SHLD2: variants seen among roughly 807,000 people sequenced by gnomAD.
The protein encoded by SHLD2 is shieldin complex subunit 2, also known as RINN1-REV7-interacting novel NHEJ regulator 2.
SHLD2 carries 30 observed loss-of-function variants against 73.2 expected under a neutral mutation model. The ratio of observed to expected loss-of-function variants is 0.41; its 90% CI spans 0.31 to 0.56. SHLD2 has a LOEUF of 0.56. Among genes scored for constraint, SHLD2 ranks in the 20% least tolerant of loss-of-function variants. The pLI, the probability that SHLD2 is intolerant of heterozygous loss-of-function variation, is 0.28. For synonymous variants in SHLD2, 285 were observed against 370.1 expected (o/e 0.77, Z 2.64); for missense variants, 745 against 1,055.9 (o/e 0.71, Z 4.08).
intron 2 of SHLD2, among the ~76,000 whole-genome samples, chr10:87,121,051 A>G (rs1238568112): frequency 6.7e-6 from 1 of 149,596 alleles, no homozygotes; most frequent in Non-Finnish European, 1.5e-5. Flanking sequence ...ACTCTGTCTC[A>G]AAAAAAAAAG....
At chr10:87,186,601 TAATAGCACTTGCAAATG>T (rs1848634785) in intron 8 of SHLD2, among the ~76,000 whole-genome samples, 1 of 145,170 alleles carries the variant, frequency 6.9e-6, no homozygotes, top group African/African-American at 2.6e-5. Context: ...GCTCCTTCCC[TAATAGCACTTGCAAATG>T]TTCTTCATTC....
At chr10:87,143,802 TA>T (rs1227206451) in intron 2 of SHLD2, among the ~76,000 whole-genome samples, 1 of 151,838 alleles carries the variant, frequency 6.6e-6, no homozygotes, top group East Asian at 1.9e-4. Flanking sequence ...AGAGCATGCC[TA>T]AACTAGGACT....
chr10:87,126,598 A>G (rs576322319), intron 2 of SHLD2, among the ~76,000 whole-genome samples: 1 of 152,312 alleles, frequency 6.6e-6, no homozygotes, highest in African/African-American at 2.4e-5. Context: ...GAAGTCAGGG[A>G]CATTATGGAG....
At chr10:87,094,473 C>G (rs1378546943), upstream of SHLD2, 2 of 1,613,594 alleles carry the variant, frequency 1.2e-6, no homozygotes, top group African/African-American at 2.7e-5. This position sits in a 1 kb window ranked among gnomAD's most constrained non-coding sequence, Gnocchi z 6.6. Flanking sequence ...GCACCCGGTT[C>G]CGCTTCTGCT....
intron 2 of SHLD2, among the ~76,000 whole-genome samples, chr10:87,124,935 G>A (rs1843887891): frequency 6.6e-6 from 1 of 151,706 alleles, no homozygotes; most frequent in Non-Finnish European, 1.5e-5. Flanking sequence ...GTAGAGACAG[G>A]GTCTCACTAT....
chr10:87,165,498 A>G (rs188975022), intron 4 of SHLD2, among the ~76,000 whole-genome samples: 1 of 152,362 alleles, frequency 6.6e-6, no homozygotes. Context: ...AGGATCCACC[A>G]TATTTTTTGT....
chr10:87,096,741 A>G (rs1184878585), intron 1 of SHLD2, among the ~76,000 whole-genome samples, 193 bp from the exon 2 acceptor site: 1 of 152,236 alleles, frequency 6.6e-6, no homozygotes, highest in Non-Finnish European at 1.5e-5. Flanking sequence ...ATCTTTTAGA[A>G]TATGGAAGAG....
chr10:87,166,453 A>G (rs1229254920), intron 4 of SHLD2, among the ~76,000 whole-genome samples: 4 of 152,182 alleles, frequency 2.6e-5, no homozygotes, highest in Non-Finnish European at 5.9e-5. Flanking sequence ...AAAAAAGGAA[A>G]AATTTTTAAA....
chr10:87,178,265 C>T (rs1233967149), intron 7 of SHLD2, among the ~76,000 whole-genome samples: 43 of 116,532 alleles, frequency 3.7e-4, no homozygotes, highest in East Asian at 1.6e-3. Context: ...AAAAAAAAGA[C>T]TTTTTGAGTG....
intron 7 of SHLD2, among the ~76,000 whole-genome samples, chr10:87,178,853 T>C (rs1214006701): frequency 2.0e-5 from 3 of 152,224 alleles, no homozygotes; most frequent in Non-Finnish European, 4.4e-5. Context: ...GTGACACAAT[T>C]GGAAGAGATG....
intron 2 of SHLD2, among the ~76,000 whole-genome samples, chr10:87,141,758 C>T (rs1845211002): frequency 6.6e-6 from 1 of 152,094 alleles, no homozygotes. Flanking sequence ...TGGCCCAGCA[C>T]GGTGGCTCAT....
intron 6 of SHLD2, among the ~76,000 whole-genome samples, chr10:87,174,054 G>A (rs1164565678): frequency 2.0e-5 from 3 of 152,098 alleles, no homozygotes; most frequent in Non-Finnish European, 4.4e-5. Flanking sequence ...TGAACAAATT[G>A]GGGGTACTTT....
chr10:87,115,079 C>G (rs570915526), intron 2 of SHLD2, among the ~76,000 whole-genome samples: 5 of 152,212 alleles, frequency 3.3e-5, no homozygotes, highest in South Asian at 2.1e-4. Flanking sequence ...GAGACAGAGT[C>G]GTGCTCTGTC....
chr10:87,123,220 A>T (rs1419201323), intron 2 of SHLD2, among the ~76,000 whole-genome samples: 2 of 152,232 alleles, frequency 1.3e-5, no homozygotes, highest in Non-Finnish European at 2.9e-5. Flanking sequence ...AGGGATACCA[A>T]AATAATCAAC....
intron 2 of SHLD2, among the ~76,000 whole-genome samples, chr10:87,108,359 A>AT (rs1431845756): frequency 2.6e-5 from 4 of 151,836 alleles, no homozygotes; most frequent in African/African-American, 9.7e-5. Flanking sequence ...TAATTTTTGT[A>AT]TTTTTTAGTG....
chr10:87,130,626 G>A (rs1205534733), intron 2 of SHLD2, among the ~76,000 whole-genome samples: 1 of 152,140 alleles, frequency 6.6e-6, no homozygotes, highest in Admixed American at 6.5e-5. Flanking sequence ...TTCTACAGGC[G>A]CTATCTGTTA....
intron 2 of SHLD2, among the ~76,000 whole-genome samples, chr10:87,138,522 T>A (rs1409657422): frequency 6.6e-6 from 1 of 152,108 alleles, no homozygotes; most frequent in African/African-American, 2.4e-5. Flanking sequence ...CATTAAAACA[T>A]ACACATTAAC....
chr10:87,113,272 C>T (rs1372073273), intron 2 of SHLD2, among the ~76,000 whole-genome samples: 4 of 152,000 alleles, frequency 2.6e-5, no homozygotes, highest in Admixed American at 6.6e-5. Context: ...TGCAGTGAGC[C>T]GAGATCATGC....
intron 7 of SHLD2, among the ~76,000 whole-genome samples, chr10:87,177,372 G>A (rs1767551811): frequency 6.6e-6 from 1 of 151,730 alleles, no homozygotes; most frequent in South Asian, 2.1e-4. Flanking sequence ...GAAAGATTCT[G>A]AGGCTATAGC....
Sources: allele counts gnomAD v4.1 joint callset (sites outside exome capture counted in the v4.1 genomes callset), GRCh38; gene constraint gnomAD v4.1.1; non-coding constraint Gnocchi (gnomAD v3.1); transcripts MANE v1.5; gene names NCBI Gene and HGNC (gene_info 2026-07-23, HGNC 2026-07-21).